ZNF286A: variants seen among roughly 807,000 people sequenced by gnomAD.
The protein encoded by ZNF286A is zinc finger protein ZNF286.
In ZNF286A, 34 loss-of-function variants were observed where a neutral mutation model predicts 49.3. That is an observed-to-expected ratio of 0.69 (90% CI 0.52 to 0.92). The LOEUF (loss-of-function observed/expected upper bound fraction) is 0.92. Ranked by LOEUF, ZNF286A falls within the 40% of genes least tolerant of loss-of-function variation. The pLI is 0.00. For missense variants in ZNF286A, 462 were observed against 600.2 expected (o/e 0.77, Z 2.41); for synonymous variants, 155 against 200.4 (o/e 0.77, Z 1.91).
At chr17:15,708,032 A>G (rs1990367686) in intron 4 of ZNF286A, 123 bp from the exon 5 acceptor site, 4 of 445,796 alleles carry the variant, frequency 9.0e-6, no homozygotes, top group Non-Finnish European at 1.4e-5. Context: ...TTAAAAAAAA[A>G]GAAAGAAAGT....
In ZNF286A at chr17:15,704,502, C is replaced by A. The variant is rs1464725894; in HGVS notation, c.127-1885C>A. 10 of 1,613,902 alleles carry A rather than the reference C, an allele frequency of 6.2e-6. 1 individual carries two copies. The East Asian group carries it at 2.2e-4, about 36-fold the overall frequency. On this transcript the variant is annotated intron_variant, in intron 3 of 5. Coordinates refer to ENST00000583566, the MANE Select transcript of ZNF286A (RefSeq NM_001130842.2). ...CGGAGTTCTCCAAGAGCAGGCGGCC[C>A]GCCTCCTCGTTGAGTGCAGACTCGG...
intron 3 of ZNF286A, chr17:15,704,502 C>T (rs1464725894): frequency 6.2e-7 from 1 of 1,614,020 alleles, no homozygotes; most frequent in Non-Finnish European, 8.5e-7. Flanking sequence ...GCAGGCGGCC[C>T]GCCTCCTCGT....
intron 3 of ZNF286A, among the ~76,000 whole-genome samples, chr17:15,706,045 T>TC (rs1455201686): frequency 3.9e-5 from 6 of 152,212 alleles, no homozygotes; most frequent in Non-Finnish European, 8.8e-5. Context: ...TGACTTTTTT[T>TC]CCCTCTGCTG....
At chr17:15,713,171 G>T (rs931209444) in intron 5 of ZNF286A, among the ~76,000 whole-genome samples, 2 of 152,106 alleles carry the variant, frequency 1.3e-5, no homozygotes, top group Non-Finnish European at 2.9e-5. Context: ...TGGGTGGGTT[G>T]ATTGAGCCCA....
In ZNF286A at chr17:15,717,154, A is replaced by G; in HGVS notation, c.1430A>G (p.His477Arg). 1.2e-6 allele frequency: 2 copies of G among 1,612,592 alleles called. No homozygotes were observed. Among genetic ancestry groups the G allele is most frequent in the South Asian group, 2.2e-5 (2 of 90,806 alleles). The change falls in exon 6 of 6, where the codon CAT becomes CGT. Residue 477 changes from histidine to arginine, a missense_variant. By Grantham distance (29) the His-to-Arg change is conservative (BLOSUM62 0). Around this residue, in one of 3 missense-constraint regions of ZNF286A, gnomAD observed 201 missense variants for 311.3 expected, o/e 0.65. Coordinates refer to ENST00000583566, the MANE Select transcript of ZNF286A (RefSeq NM_001130842.2). ...KCSECGKAFI[H>R]SSALIQHQRT... The stretch of plus-strand genomic sequence containing the variant: ...AGCGAGTGTGGAAAAGCCTTCATTC[A>G]TTCATCAGCTCTCATTCAACATCAG...
chr17:15,702,196 C>T (rs1989829033), intron 3 of ZNF286A, among the ~76,000 whole-genome samples: 1 of 151,178 alleles, frequency 6.6e-6, no homozygotes, highest in East Asian at 2.0e-4. Context: ...CATCTTTCAA[C>T]TTTTGTATGT....
intron 3 of ZNF286A, chr17:15,704,933 C>T (rs867847800): frequency 4.0e-6 from 6 of 1,514,444 alleles, no homozygotes; most frequent in Non-Finnish European, 3.6e-6. Flanking sequence ...GTCCCCCCGG[C>T]CCCCTTCCTG....
In ZNF286A at chr17:15,717,522, A is replaced by G; in HGVS notation, c.*232A>G. 3 of 675,194 alleles carry G rather than the reference A, an allele frequency of 4.4e-6. No individual in the cohort carries two copies. Among genetic ancestry groups the G allele is most frequent in the Non-Finnish European group, 6.9e-6 (3 of 436,394 alleles). The allele number at this position is 675,194 out of a possible 1,614,324, so 41.8% of individuals were successfully genotyped here. A position where few individuals can be genotyped will look rare whatever the true frequency, so the allele number is the denominator to read the frequency against. ...AAAATTTTAATCTCCAACGTCCCAA[A>G]TAGCTATCTGTGGAAATTCAAGAAG... On this transcript the variant is annotated 3_prime_UTR_variant, in exon 6 of 6. Transcript: ENST00000583566.
At chr17:15,704,706 C>A in intron 3 of ZNF286A, 1 of 1,613,828 alleles carries the variant, frequency 6.2e-7, no homozygotes, top group South Asian at 1.1e-5. Context: ...CCTTCCCCAG[C>A]AGGAGTTTCA....
rs1225854992 is a variant in ZNF286A at position 15,701,243 on chromosome 17, G to A, written c.126+3G>A. On this transcript the variant is annotated splice_donor_region_variant and intron_variant, in intron 3 of 5. Transcript: ENST00000583566. The stretch of plus-strand genomic sequence containing the variant: ...TGCGCCTCACGGCCAGATCCCAGGT[G>A]AGTGAGTGCTGATTATTGGAATTAC... 1 of 1,613,656 alleles carries A rather than the reference G, an allele frequency of 6.2e-7. No homozygotes were observed. The highest frequency in any genetic ancestry group is 8.5e-7 in the Non-Finnish European group (1 of 1,179,962).
chr17:15,705,400 T>C (rs1990155482), intron 3 of ZNF286A, among the ~76,000 whole-genome samples: 1 of 152,182 alleles, frequency 6.6e-6, no homozygotes, highest in Admixed American at 6.5e-5. Context: ...TGTTCTAACT[T>C]GATTTTTGTG....
chr17:15,704,817 G>T (rs371019041), intron 3 of ZNF286A: 61 of 1,613,638 alleles, frequency 3.8e-5, no homozygotes, highest in African/African-American at 3.3e-4. Flanking sequence ...TGATGCCATC[G>T]GGTGGGTCTG....
At position 15,716,353 on chromosome 17, in the gene ZNF286A, T is replaced by A; in HGVS notation, c.629T>A (p.Val210Asp). The change falls in exon 6 of 6, where the codon GTT (valine) becomes GAT (aspartate). Residue 210 changes from valine to aspartate, a missense_variant. Transcript: ENST00000583566. ...QKSVLITEDR[V>D]PKGSYAFHTL... Reference sequence around the variant, plus strand: ...TCTGTCCTTATCACTGAAGACAGAGTTCCCAAAGGATCTTATGCCTTCCAT... The same window carrying A: ...TCTGTCCTTATCACTGAAGACAGAGATCCCAAAGGATCTTATGCCTTCCAT... The A allele has an allele frequency of 6.2e-7, 1 of 1,613,804 alleles. No individual in the cohort carries two copies. The highest frequency in any genetic ancestry group is 8.5e-7 in the Non-Finnish European group (1 of 1,179,870).
intron 5 of ZNF286A, among the ~76,000 whole-genome samples, chr17:15,712,933 T>C (rs1966867799): frequency 1.3e-5 from 2 of 152,176 alleles, no homozygotes; most frequent in South Asian, 4.1e-4. Flanking sequence ...TCCATCTCTG[T>C]GCTCTAGTGT....
chr17:15,711,864 C>CA (rs1000202880), intron 5 of ZNF286A, among the ~76,000 whole-genome samples: 16 of 102,032 alleles, frequency 1.6e-4, no homozygotes, highest in African/African-American at 4.1e-4. Context: ...TAATCTGCCC[C>CA]CCCCCCGGCT....
At chr17:15,707,125 A>G (rs1990285799) in intron 4 of ZNF286A, among the ~76,000 whole-genome samples, 1 of 152,122 alleles carries the variant, frequency 6.6e-6, no homozygotes, top group South Asian at 2.1e-4. Flanking sequence ...CCCAAACCTT[A>G]TGTAAAAAAA....
At chr17:15,709,919 T>C (rs1280565045) in intron 5 of ZNF286A, 2 of 1,527,412 alleles carry the variant, frequency 1.3e-6, no homozygotes, top group Non-Finnish European at 8.8e-7. Context: ...TCATCACATG[T>C]TTAGCTTTAC....
chr17:15,717,363 G>T lies in ZNF286A; in HGVS notation c.*73G>T. The T allele has an allele frequency of 7.2e-7, 1 of 1,388,142 alleles. No homozygotes were observed. The allele number at this position is 1,388,142 out of a possible 1,614,324, so 86.0% of individuals were successfully genotyped here. A position where few individuals can be genotyped will look rare whatever the true frequency, so the allele number is the denominator to read the frequency against. ...AAATACTTGAGTGTTTAGGTGGAAG[G>T]CGCATCCATAATATGCATGTGAGGA... On this transcript the variant is annotated 3_prime_UTR_variant, in exon 6 of 6. Transcript: ENST00000583566.
chr17:15,717,986 T>A lies in ZNF286A; in HGVS notation c.*696T>A, dbSNP rs543030253. 19 of 144,174 alleles carry A rather than the reference T, an allele frequency of 1.3e-4. No homozygotes were observed. Among genetic ancestry groups the A allele is most frequent in the African/African-American group, 4.7e-4 (18 of 38,082 alleles). 8.9% of individuals were successfully genotyped at this position (144,174 alleles called of 1,614,324 possible). A position where few individuals can be genotyped will look rare whatever the true frequency, so the allele number is the denominator to read the frequency against. ...TCTTGCTCTGTTGCCCGGGCTGGAG[T>A]GCAGTGGCGCGATCTCGGCTCACTG... On this transcript the variant is annotated 3_prime_UTR_variant, in exon 6 of 6. Coordinates refer to ENST00000583566, the MANE Select transcript of ZNF286A (RefSeq NM_001130842.2).
Sources: gnomAD v4.1 joint callset for allele counts (sites outside exome capture counted in the v4.1 genomes callset) on GRCh38, gnomAD v4.1.1 for gene constraint, gnomAD v4.1.1 regional missense constraint, MANE v1.5 for transcripts, NCBI Gene and HGNC (gene_info 2026-07-23, HGNC 2026-07-21) for gene names.